RNF4: variants seen among roughly 807,000 people sequenced by gnomAD.
RNF4 encodes ring finger protein 4, also known as E3 ubiquitin-protein ligase RNF4.
Under a neutral mutation model 24.3 loss-of-function variants are expected in RNF4, and 7 were observed. That is an observed-to-expected ratio of 0.29 (90% CI 0.16 to 0.54). The LOEUF (loss-of-function observed/expected upper bound fraction) is 0.54. Ranked by LOEUF, RNF4 falls within the 20% of genes least tolerant of loss-of-function variation. The pLI, the probability that RNF4 is intolerant of heterozygous loss-of-function variation, is 0.95. For synonymous variants in RNF4, 83 were observed against 84.3 expected, an observed-to-expected ratio of 0.98 and a Z score of 0.09; for missense variants, 209 against 248.5, an observed-to-expected ratio of 0.84 and a Z score of 1.07.
intron 2 of RNF4, among the ~76,000 whole-genome samples, chr4:2,491,129 G>C (rs532066710): frequency 1.3e-5 from 2 of 152,272 alleles, no homozygotes; most frequent in Non-Finnish European, 2.9e-5. Flanking sequence ...GTTTCCCTGT[G>C]ACATTCTTGG....
chr4:2,515,535 G>A lies in RNF4; in HGVS notation c.*1716G>A, dbSNP rs1386336026. Reference sequence around the variant, plus strand: ...AGACTTGGAGCAAGGCAACCTTGGAGTCAGTCCACTCATAAAATATGGTAA... The same window carrying A: ...AGACTTGGAGCAAGGCAACCTTGGAATCAGTCCACTCATAAAATATGGTAA... On this transcript the variant is annotated 3_prime_UTR_variant, in exon 8 of 8. Transcript: ENST00000314289. 2 of 152,270 alleles carry A rather than the reference G, an allele frequency of 1.3e-5. No homozygotes were observed. Among genetic ancestry groups the A allele is most frequent in the African/African-American group, 4.8e-5 (2 of 41,446 alleles). 9.4% of individuals were successfully genotyped at this position (152,270 alleles called of 1,614,324 possible).
rs1002269972 is a variant in RNF4 at position 2,515,755 on chromosome 4, A to C, written c.*1936A>C. The C allele has an allele frequency of 6.6e-6, 1 of 152,444 alleles. No individual in the cohort carries two copies. The highest frequency in any genetic ancestry group is 2.1e-4 in the South Asian group (1 of 4,816). The allele number at this position is 152,444 out of a possible 1,614,324, so 9.4% of individuals were successfully genotyped here. On this transcript the variant is annotated 3_prime_UTR_variant, in exon 8 of 8. Coordinates refer to ENST00000314289, the MANE Select transcript of RNF4 (RefSeq NM_002938.5). ...TCCTTTTTTCAATGTACATAGTTCA[A>C]CTCTTTCTTTGTTACATTTAAACTA...
At chr4:2,476,594 A>G (rs1200467458) in intron 1 of RNF4, among the ~76,000 whole-genome samples, 3 of 151,762 alleles carry the variant, frequency 2.0e-5, no homozygotes, top group Non-Finnish European at 4.4e-5. Flanking sequence ...GGGTTTCACC[A>G]TGTTGGCCAG....
At chr4:2,503,324 G>C (rs1383353908) in intron 4 of RNF4, among the ~76,000 whole-genome samples, 1 of 152,156 alleles carries the variant, frequency 6.6e-6, no homozygotes, top group Non-Finnish European at 1.5e-5. Flanking sequence ...ACCTTTATAA[G>C]ATCTGCAGTC....
rs181393733 is a variant in RNF4, at chr4:2,473,683, C to T, written c.-158+4425C>T. ...AAAATTAGCAGGGCGTGGTGGCGCACGCCTGTAATCCTAGCTACTCTGGAA... is the reference window on the plus strand; with the variant it reads ...AAAATTAGCAGGGCGTGGTGGCGCATGCCTGTAATCCTAGCTACTCTGGAA... On this transcript the variant is annotated intron_variant, in intron 1 of 7. Coordinates refer to ENST00000314289, the MANE Select transcript of RNF4 (RefSeq NM_002938.5). 1.2e-4 allele frequency among the ~76,000 whole-genome samples: 18 copies of T among 151,882 alleles called. No homozygotes were observed. The East Asian group carries it at 1.9e-3, about 16-fold the overall frequency.
chr4:2,507,107 CTA>C (rs991356648), intron 4 of RNF4, among the ~76,000 whole-genome samples: 2 of 151,712 alleles, frequency 1.3e-5, no homozygotes, highest in Non-Finnish European at 2.9e-5. Context: ...ATAAGTCACA[CTA>C]TGTGTGTTTT....
In RNF4 at chr4:2,512,728, T is replaced by C; in HGVS notation, c.374+131T>C. 2.8e-6 allele frequency: 3 copies of C among 1,065,844 alleles called. No individual in the cohort carries two copies. The highest frequency in any genetic ancestry group is 4.0e-6 in the Non-Finnish European group (3 of 751,380). 66.0% of individuals were successfully genotyped at this position (1,065,844 alleles called of 1,614,324 possible). Reference sequence around the variant, plus strand: ...CCCAAGCCTCTACCCAGCATCTGGATACAGTTGGAACTGGGTCCAGAACTG... The same window carrying C: ...CCCAAGCCTCTACCCAGCATCTGGACACAGTTGGAACTGGGTCCAGAACTG... On this transcript the variant is annotated intron_variant, in intron 6 of 7. Transcript: ENST00000314289. This position sits in a 1 kb window ranked among gnomAD's most constrained non-coding sequence, Gnocchi z 4.1.
chr4:2,503,751 C>CT (rs1399300328), intron 4 of RNF4, among the ~76,000 whole-genome samples: 1 of 152,160 alleles, frequency 6.6e-6, no homozygotes, highest in Non-Finnish European at 1.5e-5. Context: ...TGACCCTAGG[C>CT]TGCACCTGCA....
In RNF4 at chr4:2,513,335, A is replaced by G. The variant is rs145905792; in HGVS notation, c.423+204A>G. 1.3e-3 allele frequency among the ~76,000 whole-genome samples: 192 copies of G among 152,262 alleles called. 1 individual carries two copies. Among genetic ancestry groups the G allele is most frequent in the African/African-American group, 4.0e-3 (166 of 41,564 alleles). On this transcript the variant is annotated intron_variant, in intron 7 of 7. Coordinates refer to ENST00000314289, the MANE Select transcript of RNF4 (RefSeq NM_002938.5). ...CCTACAACTTTCACCTTCAGCCCCT[A>G]TACTCCTGTATGCCCTGAGCTTCCG... is the stretch of plus-strand genomic sequence containing the variant.
intron 2 of RNF4, among the ~76,000 whole-genome samples, chr4:2,492,309 G>A (rs1735606865): frequency 1.3e-5 from 2 of 152,158 alleles, no homozygotes; most frequent in Admixed American, 1.3e-4. Flanking sequence ...CTCCCAGAGT[G>A]AGCGACAATA....
intron 2 of RNF4, chr4:2,494,575 T>G (rs1439773946): frequency 6.6e-6 from 1 of 151,246 alleles, no homozygotes; most frequent in African/African-American, 2.4e-5. Context: ...AGAGATGGGG[T>G]TTCTACGTGT....
In RNF4 at chr4:2,474,327, G is replaced by A. The variant is rs144321790; in HGVS notation, c.-158+5069G>A. 4.3e-3 allele frequency among the ~76,000 whole-genome samples: 635 copies of A among 147,394 alleles called. 3 individuals are homozygous for A. The highest frequency in any genetic ancestry group is 0.013 in the African/African-American group (508 of 39,922). ...CAGGAGGCAGAGGTTGCAGCGAGCC[G>A]AAATCACGCCATTGCACTCCATCCA... On this transcript the variant is annotated intron_variant, in intron 1 of 7. Transcript: ENST00000314289.
At chr4:2,508,128 T>G (rs906923667) in intron 4 of RNF4, among the ~76,000 whole-genome samples, 1 of 152,204 alleles carries the variant, frequency 6.6e-6, no homozygotes, top group African/African-American at 2.4e-5. Flanking sequence ...ATTGCAGATA[T>G]GGGACACCAT....
chr4:2,487,200 G>A (rs1735435702), intron 1 of RNF4, among the ~76,000 whole-genome samples: 2 of 152,192 alleles, frequency 1.3e-5, no homozygotes, highest in Admixed American at 1.3e-4. Flanking sequence ...TTGACCTCCT[G>A]GGCTCAGGTG....
chr4:2,481,623 C>G (rs1475811120), intron 1 of RNF4, among the ~76,000 whole-genome samples: 1 of 152,164 alleles, frequency 6.6e-6, no homozygotes, highest in African/African-American at 2.4e-5. Flanking sequence ...TCTCTTCTGC[C>G]TTTCTGTCTC....
In RNF4 at chr4:2,490,363, G is replaced by A. The variant is rs115459486; in HGVS notation, c.-131G>A. ...ACTTGAAAATACTGGAAATCTGTCCGGATCCAAATTATTTTGCAAGCCAGA... is the reference window on the plus strand; with the variant it reads ...ACTTGAAAATACTGGAAATCTGTCCAGATCCAAATTATTTTGCAAGCCAGA... On this transcript the variant is annotated 5_prime_UTR_variant, in exon 2 of 8. Transcript: ENST00000314289. 2.7e-5 allele frequency: 21 copies of A among 783,716 alleles called. No individual in the cohort carries two copies. The highest frequency in any genetic ancestry group is 1.4e-4 in the African/African-American group (8 of 57,362). The allele number at this position is 783,716 out of a possible 1,614,324, so 48.5% of individuals were successfully genotyped here.
chr4:2,482,273 T>A (rs761715644), intron 1 of RNF4, among the ~76,000 whole-genome samples: 15 of 152,142 alleles, frequency 9.9e-5, no homozygotes, highest in Non-Finnish European at 1.8e-4. Flanking sequence ...CTCACAACCA[T>A]CCCTGTACCC....
chr4:2,496,641 A>G (rs566179785), intron 2 of RNF4, among the ~76,000 whole-genome samples: 4 of 152,124 alleles, frequency 2.6e-5, no homozygotes, highest in Non-Finnish European at 5.9e-5. Context: ...TTGTATTTTC[A>G]GTAGTGATGA....
At chr4:2,495,164 G>C (rs1735694992) in intron 2 of RNF4, among the ~76,000 whole-genome samples, 1 of 152,202 alleles carries the variant, frequency 6.6e-6, no homozygotes, top group Non-Finnish European at 1.5e-5. Flanking sequence ...GGGCCCTCCT[G>C]GGGCTGGTTC....
Sources: allele counts gnomAD v4.1 joint callset (sites outside exome capture counted in the v4.1 genomes callset), GRCh38; gene constraint gnomAD v4.1.1; non-coding constraint Gnocchi (gnomAD v3.1); transcripts MANE v1.5; gene names NCBI Gene and HGNC (gene_info 2026-07-23, HGNC 2026-07-21).